The following CRIM1 variants were observed in gnomAD, a reference collection of about 807,000 sequenced individuals.
The protein encoded by CRIM1 is cysteine rich transmembrane BMP regulator 1.
A neutral mutation model predicts 116.4 loss-of-function variants in CRIM1; 32 were observed. That is an observed-to-expected ratio of 0.27 (90% CI 0.21 to 0.37). The LOEUF (loss-of-function observed/expected upper bound fraction) is 0.37, where lower values mean the gene tolerates loss of function less well. Among genes scored for constraint, CRIM1 ranks in the 10% least tolerant of loss-of-function variants. The probability of loss-of-function intolerance (pLI) is 1.00; values close to 1 mark genes in which losing one functional copy is unlikely to be tolerated. For synonymous variants in CRIM1, 590 were observed against 509.2 expected (o/e 1.16, Z -2.13); for missense variants, 1,331 against 1,354.8 (o/e 0.98, Z 0.28).
chr2:36,544,543 C>G, intron 15 of CRIM1, 45 bp downstream of exon 15: 1 of 1,313,468 alleles, frequency 7.6e-7, no homozygotes, highest in Non-Finnish European at 9.8e-7. Context: ...TCTATGTGGT[C>G]TACTTAGGTG....
chr2:36,484,039 G>A (rs17480531), intron 7 of CRIM1, among the ~76,000 whole-genome samples: 19 of 152,118 alleles, frequency 1.2e-4, no homozygotes, highest in African/African-American at 1.9e-4. Context: ...CTGCATTGAC[G>A]GTTCACCCTT....
At chr2:36,548,457 T>G in intron 16 of CRIM1, 68 bp from the exon 17 acceptor site, 1 of 1,217,918 alleles carries the variant, frequency 8.2e-7, no homozygotes, top group Non-Finnish European at 1.1e-6. Flanking sequence ...GGTACTAAAT[T>G]TCTGTTCATT....
chr2:36,463,439 G>A lies in CRIM1; in HGVS notation c.870-1095G>A, dbSNP rs931205887. ...ACCTTTCCTGATCTTGACCTCTACC[G>A]TATGTAAATACCCACATACTTCCTG... On this transcript the variant is annotated intron_variant, in intron 4 of 16. Transcript: ENST00000280527. Among the ~76,000 whole-genome samples the A allele has an allele frequency of 7.9e-5, 12 of 152,192 alleles. 1 individual carries two copies. Among genetic ancestry groups the A allele is most frequent in the South Asian group, 4.2e-4 (2 of 4,818 alleles).
chr2:36,496,082 A>G (rs1422941525), intron 7 of CRIM1, among the ~76,000 whole-genome samples: 1 of 152,164 alleles, frequency 6.6e-6, no homozygotes, highest in Non-Finnish European at 1.5e-5. Flanking sequence ...ACAACTCAAC[A>G]GTTACTCCAA....
intron 6 of CRIM1, among the ~76,000 whole-genome samples, chr2:36,478,816 T>C (rs751798785): frequency 6.7e-6 from 1 of 149,508 alleles, no homozygotes; most frequent in Non-Finnish European, 1.5e-5. Flanking sequence ...AGTATTTATA[T>C]ACTTGTCAGT....
chr2:36,470,069 C>T (rs1334584497), intron 5 of CRIM1, among the ~76,000 whole-genome samples: 4 of 152,162 alleles, frequency 2.6e-5, no homozygotes, highest in East Asian at 3.8e-4. Flanking sequence ...TTTATTGAGG[C>T]TAGTCCACAT....
intron 13 of CRIM1, among the ~76,000 whole-genome samples, chr2:36,531,412 T>G (rs949122546): frequency 2.0e-5 from 3 of 151,834 alleles, no homozygotes; most frequent in Non-Finnish European, 4.4e-5. Flanking sequence ...TTGTTTTTTT[T>G]TTTTTCCAGA....
intron 5 of CRIM1, among the ~76,000 whole-genome samples, chr2:36,468,134 G>C (rs1323579148): frequency 6.6e-6 from 1 of 152,184 alleles, no homozygotes; most frequent in African/African-American, 2.4e-5. Context: ...CAGTTCAGAA[G>C]ACTGTGGGTA....
chr2:36,452,551 T>A (rs141335906), intron 4 of CRIM1, among the ~76,000 whole-genome samples: 1 of 152,198 alleles, frequency 6.6e-6, no homozygotes, highest in African/African-American at 2.4e-5. Flanking sequence ...TATCCCCAGA[T>A]TGAAGAAAAT....
Position 36,515,554 on chromosome 2 carries a change from A to G in CRIM1, c.1991-1773A>G, listed in dbSNP as rs542388272. ...ATATTTTTCTCCCCTCTTCATTCCA[A>G]GATCAGCTGTTTTTCTTCTTGGGAT... On this transcript the variant is annotated intron_variant, in intron 11 of 16. Coordinates refer to ENST00000280527, the MANE Select transcript of CRIM1 (RefSeq NM_016441.3). Among the ~76,000 whole-genome samples, 618 of 152,302 alleles carry G rather than the reference A, an allele frequency of 4.1e-3. 3 individuals carry two copies. The highest frequency in any genetic ancestry group is 7.4e-3 in the Non-Finnish European group (502 of 68,016).
intron 14 of CRIM1, among the ~76,000 whole-genome samples, chr2:36,544,037 C>A (rs1232358911): frequency 6.6e-6 from 1 of 152,236 alleles, no homozygotes; most frequent in African/African-American, 2.4e-5. Flanking sequence ...TAAACACCAA[C>A]ATTTATTAGC....
chr2:36,410,015 T>A (rs1055230083), intron 2 of CRIM1, among the ~76,000 whole-genome samples: 10 of 152,344 alleles, frequency 6.6e-5, no homozygotes, highest in African/African-American at 2.4e-4. Context: ...GGTAGGGATA[T>A]ACTCTTACAG....
At chr2:36,365,321 T>G (rs1669518390) in intron 1 of CRIM1, among the ~76,000 whole-genome samples, 1 of 152,270 alleles carries the variant, frequency 6.6e-6, no homozygotes, top group East Asian at 1.9e-4. Context: ...GACAGTGAAT[T>G]AAATTTCCTT....
intron 5 of CRIM1, among the ~76,000 whole-genome samples, chr2:36,475,347 G>A (rs558479934): frequency 6.6e-6 from 1 of 152,208 alleles, no homozygotes; most frequent in African/African-American, 2.4e-5. Context: ...ACTTTTTGAT[G>A]CTATTGTGAT....
At chr2:36,501,430 G>A (rs186928101) in intron 8 of CRIM1, among the ~76,000 whole-genome samples, 51 of 152,158 alleles carry the variant, frequency 3.4e-4, no homozygotes, top group African/African-American at 1.2e-3. Flanking sequence ...TTTATAAAAC[G>A]CCTGTTGGCC....
chr2:36,478,484 A>G (rs1679158156), intron 6 of CRIM1, among the ~76,000 whole-genome samples: 3 of 152,176 alleles, frequency 2.0e-5, no homozygotes, highest in Admixed American at 6.5e-5. Context: ...ACGTAGAAAA[A>G]TATGTATTCT....
chr2:36,430,618 C>CT (rs1674812077), intron 2 of CRIM1, among the ~76,000 whole-genome samples: 1 of 152,152 alleles, frequency 6.6e-6, no homozygotes, highest in South Asian at 2.1e-4. Flanking sequence ...CCATCAGGGG[C>CT]TTGCCCCAGT....
At position 36,400,530 on chromosome 2, in the gene CRIM1, T is replaced by G. The variant is rs137987407; in HGVS notation, c.505+3743T>G. Among the ~76,000 whole-genome samples, 21 of 152,290 alleles carry G rather than the reference T, an allele frequency of 1.4e-4. No homozygotes were observed. In the East Asian group the frequency reaches 4.1e-3, roughly 29 times the overall value. On this transcript the variant is annotated intron_variant, in intron 2 of 16. Transcript: ENST00000280527. Reference sequence around the variant, plus strand: ...GCTTATGCTTCAAGTGGAGAAAGTTTTATTTTTTAAAGGGGAAAAGGAAGA... The same window carrying G: ...GCTTATGCTTCAAGTGGAGAAAGTTGTATTTTTTAAAGGGGAAAAGGAAGA...
At chr2:36,509,337 G>A (rs1247202818) in intron 8 of CRIM1, among the ~76,000 whole-genome samples, 3 of 152,136 alleles carry the variant, frequency 2.0e-5, no homozygotes, top group Admixed American at 6.5e-5. Flanking sequence ...GCAACATTTA[G>A]TAGAGAAGGC....
Sources: gnomAD v4.1 joint callset for allele counts (sites outside exome capture counted in the v4.1 genomes callset) on GRCh38, gnomAD v4.1.1 for gene constraint, MANE v1.5 for transcripts, NCBI Gene and HGNC (gene_info 2026-07-23, HGNC 2026-07-21) for gene names.